TRPM3: variants seen among roughly 807,000 people sequenced by gnomAD.
TRPM3 encodes transient receptor potential cation channel subfamily M member 3, also known as long transient receptor potential channel 3.
A neutral mutation model predicts 181.2 loss-of-function variants in TRPM3; 77 were observed. The observed-to-expected ratio is 0.42, with a 90% CI of 0.35 to 0.51. TRPM3 has a LOEUF of 0.51. Among genes scored for constraint, TRPM3 ranks in the 20% least tolerant of loss-of-function variants. The pLI is 0.01. For missense variants in TRPM3, 1,759 were observed against 2,196.7 expected, an observed-to-expected ratio of 0.80 and a Z score of 3.98; for synonymous variants, 745 against 796.4, an observed-to-expected ratio of 0.94 and a Z score of 1.09.
At chr9:70,956,961 C>CTT (rs747544684) in intron 1 of TRPM3, among the ~76,000 whole-genome samples, 2,777 of 137,374 alleles carry the variant, frequency 0.02, 46 homozygotes, top group Non-Finnish European at 0.024. Flanking sequence ...TTCTTTCTTT[C>CTT]TTTTTTTTTT....
At chr9:71,305,520 A>G (rs565680352) in intron 1 of TRPM3, among the ~76,000 whole-genome samples, 2 of 152,300 alleles carry the variant, frequency 1.3e-5, no homozygotes, top group African/African-American at 4.8e-5. Flanking sequence ...AATGTAGTGA[A>G]AAATATTAGT....
intron 1 of TRPM3, among the ~76,000 whole-genome samples, chr9:71,055,113 T>C (rs929430989): frequency 6.6e-6 from 1 of 152,196 alleles, no homozygotes; most frequent in Admixed American, 6.5e-5. Context: ...GAGCTTAGGT[T>C]GTATTTCGAC....
At chr9:70,669,510 GAAGCTGAAGA>G (rs932045405) in intron 9 of TRPM3, among the ~76,000 whole-genome samples, 1 of 152,126 alleles carries the variant, frequency 6.6e-6, no homozygotes, top group Non-Finnish European at 1.5e-5. Context: ...CTATATTAAA[GAAGCTGAAGA>G]AAGCTGAAGA....
chr9:71,438,329 T>C (rs1287709037), intron 1 of TRPM3, among the ~76,000 whole-genome samples: 2 of 152,130 alleles, frequency 1.3e-5, no homozygotes, highest in Non-Finnish European at 2.9e-5. Flanking sequence ...TCTGTGGGTA[T>C]TAAGAAGTTT....
At chr9:71,368,004 G>C (rs199583915) in intron 1 of TRPM3, among the ~76,000 whole-genome samples, 1 of 37,826 alleles carries the variant, frequency 2.6e-5, no homozygotes, top group East Asian at 1.2e-3. Context: ...ACACACACAT[G>C]TGAGTGTATG....
At chr9:70,587,305 C>A (rs1235529799) in intron 22 of TRPM3, among the ~76,000 whole-genome samples, 1 of 152,160 alleles carries the variant, frequency 6.6e-6, no homozygotes, top group East Asian at 1.9e-4. Flanking sequence ...AATTTAGACC[C>A]TTACTTAATG....
rs1449577216 is a variant in TRPM3 at position 70,533,782 on chromosome 9, GTGTT to G, written c.*2167_*2170del. On this transcript the variant is annotated 3_prime_UTR_variant, in exon 26 of 26. Transcript: ENST00000677713. ...AACAGCTGTAAATAAGGGAGTCTGG[GTGTT>G]TGTTAGCAATTCACCTAAATGCCAA... The G allele has an allele frequency of 6.6e-6, 1 of 152,176 alleles. No homozygotes were observed. Among genetic ancestry groups the G allele is most frequent in the African/African-American group, 2.4e-5 (1 of 41,420 alleles). The allele number at this position is 152,176 out of a possible 1,614,324, so 9.4% of individuals were successfully genotyped here.
At chr9:71,043,354 C>A (rs1026577491) in intron 1 of TRPM3, among the ~76,000 whole-genome samples, 2 of 152,082 alleles carry the variant, frequency 1.3e-5, no homozygotes, top group Non-Finnish European at 2.9e-5. Context: ...GAAGAGTTTA[C>A]CACATTTAAA....
chr9:70,926,115 C>T lies in TRPM3; in HGVS notation c.178-61604G>A, dbSNP rs553822801. Among the ~76,000 whole-genome samples the T allele has an allele frequency of 2.0e-4, 30 of 152,110 alleles. 2 individuals are homozygous for T. Among genetic ancestry groups the T allele is most frequent in the Middle Eastern group, 3.4e-3 (1 of 294 alleles). On this transcript the variant is annotated intron_variant, in intron 1 of 25. Coordinates refer to ENST00000677713, the MANE Select transcript of TRPM3 (RefSeq NM_001366145.2). Reference sequence around the variant, plus strand: ...TCCATGTTTCAAAAAGGCCATAAACCATGCATAGGCTGCTGGTTAAGAGAC... The same window carrying T: ...TCCATGTTTCAAAAAGGCCATAAACTATGCATAGGCTGCTGGTTAAGAGAC...
intron 1 of TRPM3, among the ~76,000 whole-genome samples, chr9:70,933,250 G>A (rs2096792750): frequency 6.6e-6 from 1 of 152,082 alleles, no homozygotes. Flanking sequence ...GGTCCAGAGT[G>A]GCGATAGTAA....
chr9:71,061,250 C>T (rs893518272), intron 1 of TRPM3, among the ~76,000 whole-genome samples: 3 of 152,058 alleles, frequency 2.0e-5, no homozygotes, highest in African/African-American at 7.2e-5. Flanking sequence ...CCACTTCCTG[C>T]ACTACCATGG....
intron 5 of TRPM3, among the ~76,000 whole-genome samples, chr9:70,831,967 AT>A (rs2093938156): frequency 1.5e-5 from 1 of 66,230 alleles, no homozygotes; most frequent in Non-Finnish European, 3.1e-5. Flanking sequence ...CCATAAATAT[AT>A]ATATATATAT....
At chr9:71,280,078 C>CA (rs36019274) in intron 1 of TRPM3, among the ~76,000 whole-genome samples, 16,196 of 105,520 alleles carry the variant, frequency 0.15, 1,198 homozygotes, top group East Asian at 0.3. Context: ...AACTCCATCT[C>CA]AAAAAAAAAA....
At chr9:71,222,055 T>C (rs995784936) in intron 1 of TRPM3, among the ~76,000 whole-genome samples, 8 of 152,240 alleles carry the variant, frequency 5.3e-5, no homozygotes, top group Non-Finnish European at 5.9e-5. Flanking sequence ...TTCATCTTCA[T>C]ATGTGATCAA....
At chr9:71,027,562 T>C (rs573254602) in intron 1 of TRPM3, among the ~76,000 whole-genome samples, 2 of 152,196 alleles carry the variant, frequency 1.3e-5, no homozygotes, top group East Asian at 3.9e-4. Flanking sequence ...AAGCTAAGAA[T>C]CACAATAAAA....
intron 7 of TRPM3, among the ~76,000 whole-genome samples, chr9:70,779,001 T>G (rs1434150809): frequency 6.6e-6 from 1 of 152,182 alleles, no homozygotes. Flanking sequence ...TATAGTTACA[T>G]AATTTGAAGC....
intron 1 of TRPM3, among the ~76,000 whole-genome samples, chr9:71,054,286 C>G (rs892739243): frequency 1.3e-5 from 2 of 152,034 alleles, no homozygotes; most frequent in African/African-American, 4.8e-5. Context: ...GAGATGCTTC[C>G]CATGTGCAGG....
intron 1 of TRPM3, among the ~76,000 whole-genome samples, chr9:70,956,767 C>T (rs1356896459): frequency 6.6e-6 from 1 of 151,698 alleles, no homozygotes; most frequent in African/African-American, 2.4e-5. Context: ...TCATCTATAG[C>T]CCCAGCTGCT....
rs2078153756 is a variant in TRPM3, at chr9:70,761,573, A to AT, written c.1272+27_1272+28insA. The AT allele has an allele frequency of 1.9e-6, 3 of 1,613,852 alleles. No homozygotes were observed. The African/African-American group carries it at 4.0e-5, about 22-fold the overall frequency. The stretch of plus-strand genomic sequence containing the variant: ...AGAAAATGACTGAAAATGTGGAGAC[A>AT]GCTGGCCACCCATGCGGAATTACCT... On this transcript the variant is annotated intron_variant, in intron 8 of 25. Coordinates refer to ENST00000677713, the MANE Select transcript of TRPM3 (RefSeq NM_001366145.2).
Sources: allele counts gnomAD v4.1 joint callset (sites outside exome capture counted in the v4.1 genomes callset), GRCh38; gene constraint gnomAD v4.1.1; transcripts MANE v1.5; gene names NCBI Gene and HGNC (gene_info 2026-07-23, HGNC 2026-07-21).